The following TLE4 variants were observed in gnomAD, a reference collection of about 807,000 sequenced individuals.
TLE4 encodes transducin-like enhancer protein 4.
A neutral mutation model predicts 92.8 loss-of-function variants in TLE4; 8 were observed. The ratio of observed to expected loss-of-function variants is 0.09; its 90% confidence interval spans 0.05 to 0.16. The LOEUF (loss-of-function observed/expected upper bound fraction) is 0.16, where lower values mean the gene tolerates loss of function less well. TLE4 is among the 10% of genes least tolerant of loss of function. The probability of loss-of-function intolerance (pLI) is 1.00; values close to 1 mark genes in which losing one functional copy is unlikely to be tolerated. For missense variants in TLE4, 675 were observed against 997.6 expected (o/e 0.68, Z 4.36); for synonymous variants, 371 against 374.1 (o/e 0.99, Z 0.10).
At chr9:79,660,900 A>C (rs1442556696) in intron 8 of TLE4, among the ~76,000 whole-genome samples, 1 of 152,204 alleles carries the variant, frequency 6.6e-6, no homozygotes, top group Admixed American at 6.5e-5. Flanking sequence ...AAGCAGAACA[A>C]ATACTAATTA....
chr9:79,705,740 A>T (rs1439758394), intron 9 of TLE4, 149 bp from the exon 10 acceptor site: 1 of 808,162 alleles, frequency 1.2e-6, no homozygotes, highest in Non-Finnish European at 2.1e-6. Context: ...CATCATGAGG[A>T]TTAAAGAAAA....
chr9:79,647,157 A>G (rs1486883303), intron 6 of TLE4, among the ~76,000 whole-genome samples: 2 of 152,222 alleles, frequency 1.3e-5, no homozygotes, highest in Non-Finnish European at 2.9e-5. Context: ...AGTTTGGTGA[A>G]TAGCAATGAA....
At chr9:79,683,667 A>T (rs1161388823) in intron 8 of TLE4, among the ~76,000 whole-genome samples, 1 of 152,116 alleles carries the variant, frequency 6.6e-6, no homozygotes, top group Non-Finnish European at 1.5e-5. Flanking sequence ...GGTTAATCTC[A>T]CTGATCTTGA....
At chr9:79,683,064 CAAAG>C (rs2065063063) in intron 8 of TLE4, among the ~76,000 whole-genome samples, 1 of 152,036 alleles carries the variant, frequency 6.6e-6, no homozygotes, top group East Asian at 1.9e-4. Flanking sequence ...AACAAGTAAA[CAAAG>C]AAAAAAATGT....
intron 8 of TLE4, among the ~76,000 whole-genome samples, chr9:79,667,011 G>A (rs2061503137): frequency 6.6e-6 from 1 of 152,202 alleles, no homozygotes; most frequent in Non-Finnish European, 1.5e-5. Context: ...GGAGTTCATT[G>A]CTTTAACCAC....
rs1197061749 is a variant in TLE4, at chr9:79,664,897, T to TC, written c.609+10823dup. Among the ~76,000 whole-genome samples, 4 of 152,306 alleles carry TC rather than the reference T, an allele frequency of 2.6e-5. No homozygotes were observed. The East Asian group carries it at 5.8e-4, about 22-fold the overall frequency. ...TTCTCTTTGTGCCTCCCTTTTTTTT[T>TC]CTCTCTCCATTCTTCCTTATGGGTC... On this transcript the variant is annotated intron_variant, in intron 8 of 19. Coordinates refer to ENST00000376552, the MANE Select transcript of TLE4 (RefSeq NM_007005.6).
At chr9:79,654,728 G>A (rs1177027619) in intron 8 of TLE4, among the ~76,000 whole-genome samples, 1 of 152,138 alleles carries the variant, frequency 6.6e-6, no homozygotes. Context: ...CCTCCAGAAT[G>A]GGATGTGCTA....
chr9:79,603,459 G>A (rs1248899908), intron 4 of TLE4, among the ~76,000 whole-genome samples: 1 of 152,144 alleles, frequency 6.6e-6, no homozygotes, highest in African/African-American at 2.4e-5. Flanking sequence ...TGAAAGCTCA[G>A]ATAATGGTTA....
Position 79,592,189 on chromosome 9 carries a change from T to C in TLE4, c.252+16012T>C, listed in dbSNP as rs199977149. Among the ~76,000 whole-genome samples, 452 of 100,570 alleles carry C rather than the reference T, an allele frequency of 4.5e-3. 6 individuals are homozygous for C. The highest frequency in any genetic ancestry group is 0.017 in the African/African-American group (371 of 21,976). 66.0% of individuals were successfully genotyped at this position (100,570 alleles called of 152,430 possible). A position where few individuals can be genotyped will look rare whatever the true frequency, so the allele number is the denominator to read the frequency against. Reference sequence around the variant, plus strand: ...CTTCTTCCTCTTCCTCTTCCTCTTCTTCTTCTTCTTCTTCTTCTTCTTCTT... The same window carrying C: ...CTTCTTCCTCTTCCTCTTCCTCTTCCTCTTCTTCTTCTTCTTCTTCTTCTT... On this transcript the variant is annotated intron_variant, in intron 4 of 19. Coordinates refer to ENST00000376552, the MANE Select transcript of TLE4 (RefSeq NM_007005.6).
At position 79,603,780 on chromosome 9, in the gene TLE4, A is replaced by G. The variant is rs143336138; in HGVS notation, c.253-8876A>G. On this transcript the variant is annotated intron_variant, in intron 4 of 19. Transcript: ENST00000376552. ...AACCACCTAAACTGTAGTTTCTTCT[A>G]TTTATTCAACAAAAGCGTATTGAGT... Among the ~76,000 whole-genome samples, 23 of 152,220 alleles carry G rather than the reference A, an allele frequency of 1.5e-4. No individual in the cohort carries two copies. In the East Asian group the frequency reaches 2.3e-3, roughly 15 times the overall value.
At chr9:79,618,333 T>C (rs909273265) in intron 5 of TLE4, among the ~76,000 whole-genome samples, 2 of 152,248 alleles carry the variant, frequency 1.3e-5, no homozygotes, top group African/African-American at 4.8e-5. Context: ...AAATAATGCA[T>C]AGTTCTTGTT....
At chr9:79,581,562 T>C (rs1456590919) in intron 4 of TLE4, among the ~76,000 whole-genome samples, 2 of 152,264 alleles carry the variant, frequency 1.3e-5, no homozygotes, top group Non-Finnish European at 2.9e-5. Flanking sequence ...GGCTTGCGCT[T>C]ACCACTGGTC....
intron 6 of TLE4, among the ~76,000 whole-genome samples, chr9:79,647,285 A>G (rs1160132609): frequency 6.6e-6 from 1 of 152,194 alleles, no homozygotes; most frequent in Non-Finnish European, 1.5e-5. Context: ...AACTCATTAA[A>G]AGCTTTGAAT....
intron 16 of TLE4, among the ~76,000 whole-genome samples, chr9:79,721,240 T>TC (rs2075586980): frequency 6.6e-6 from 1 of 152,184 alleles, no homozygotes; most frequent in African/African-American, 2.4e-5. Flanking sequence ...TGAGTGTCTT[T>TC]CCAGGTGCCT....
intron 8 of TLE4, among the ~76,000 whole-genome samples, chr9:79,698,654 A>T (rs917480241): frequency 3.9e-5 from 6 of 152,060 alleles, no homozygotes; most frequent in African/African-American, 1.2e-4. Context: ...TCTTACTGTG[A>T]TGAGCAGTAA....
At chr9:79,608,212 A>T (rs2047545783) in intron 4 of TLE4, among the ~76,000 whole-genome samples, 2 of 152,110 alleles carry the variant, frequency 1.3e-5, no homozygotes, top group Admixed American at 1.3e-4. Context: ...GTTTAGAGAA[A>T]TAGTACTACT....
At chr9:79,588,805 G>A (rs1448024094) in intron 4 of TLE4, among the ~76,000 whole-genome samples, 1 of 152,166 alleles carries the variant, frequency 6.6e-6, no homozygotes, top group Non-Finnish European at 1.5e-5. Flanking sequence ...GGGTTTGAAA[G>A]GTTCTATATA....
intron 4 of TLE4, among the ~76,000 whole-genome samples, chr9:79,588,428 T>C (rs577151513): frequency 2.2e-4 from 34 of 152,240 alleles, no homozygotes; most frequent in African/African-American, 7.9e-4. Flanking sequence ...GGATTACAGG[T>C]GTGAGCCACC....
intron 4 of TLE4, among the ~76,000 whole-genome samples, chr9:79,586,551 C>T (rs1587729021): frequency 6.6e-6 from 1 of 152,124 alleles, no homozygotes; most frequent in African/African-American, 2.4e-5. Context: ...TGAGGTAAAG[C>T]GTGTCTGTAA....
Sources: allele counts gnomAD v4.1 joint callset (sites outside exome capture counted in the v4.1 genomes callset), GRCh38; gene constraint gnomAD v4.1.1; transcripts MANE v1.5; gene names NCBI Gene and HGNC (gene_info 2026-07-23, HGNC 2026-07-21).